Variants in GRM1 observed in about 807,000 individuals in gnomAD.
GRM1 encodes the protein metabotropic glutamate receptor 1.
GRM1 carries 33 observed loss-of-function variants against 90.9 expected under a neutral mutation model. That is an observed-to-expected ratio of 0.36 (90% CI 0.28 to 0.49). GRM1 has a LOEUF of 0.49. GRM1 is among the 20% of genes least tolerant of loss of function. GRM1 has a pLI of 0.99. For missense variants in GRM1, 1,190 were observed against 1,534.3 expected, an observed-to-expected ratio of 0.78 and a Z score of 3.75; for synonymous variants, 700 against 613.2, an observed-to-expected ratio of 1.14 and a Z score of -2.09.
At chr6:146,218,597 T>C (rs1779952906) in intron 2 of GRM1, among the ~76,000 whole-genome samples, 1 of 152,176 alleles carries the variant, frequency 6.6e-6, no homozygotes, top group African/African-American at 2.4e-5. Flanking sequence ...AATTAGTTCC[T>C]TGTTGAATAA....
intron 7 of GRM1, 61 bp from the exon 8 acceptor site, chr6:146,433,811 T>C (rs1193190602): frequency 8.3e-7 from 1 of 1,200,544 alleles, no homozygotes; most frequent in Non-Finnish European, 1.2e-6. Context: ...ATGTTTTCTA[T>C]GTATTTTATC....
chr6:146,077,938 G>T (rs1776242165), intron 1 of GRM1, among the ~76,000 whole-genome samples: 1 of 152,186 alleles, frequency 6.6e-6, no homozygotes, highest in African/African-American at 2.4e-5. Flanking sequence ...GGCAGAACCA[G>T]AGTAGATGTG....
chr6:146,253,548 C>A (rs569521735), intron 2 of GRM1, among the ~76,000 whole-genome samples: 1 of 152,118 alleles, frequency 6.6e-6, no homozygotes, highest in Non-Finnish European at 1.5e-5. Context: ...CTTAAGAGTT[C>A]CAGAACTCTG....
intron 7 of GRM1, among the ~76,000 whole-genome samples, chr6:146,423,947 G>A (rs1778101726): frequency 6.6e-6 from 1 of 152,154 alleles, no homozygotes. Context: ...ATTTAGTGCT[G>A]TGTTCCCTTG....
At chr6:146,036,111 G>A (rs537719081) in intron 1 of GRM1, among the ~76,000 whole-genome samples, 6 of 151,938 alleles carry the variant, frequency 3.9e-5, no homozygotes, top group Non-Finnish European at 8.8e-5. Flanking sequence ...TATGATATAG[G>A]GAGCTAATAT....
chr6:146,287,768 G>T (rs1017580789), intron 2 of GRM1, among the ~76,000 whole-genome samples: 14 of 152,178 alleles, frequency 9.2e-5, no homozygotes, highest in African/African-American at 3.1e-4. Flanking sequence ...TTCTGGTTTT[G>T]AAAAGGGAAA....
intron 2 of GRM1, among the ~76,000 whole-genome samples, chr6:146,270,905 C>CTT (rs1435709085): frequency 8.9e-6 from 1 of 112,760 alleles, no homozygotes; most frequent in Non-Finnish European, 1.8e-5. Flanking sequence ...TTCTTTCTTT[C>CTT]TTTCTTTCTT....
chr6:146,376,073 C>T (rs988429458), intron 5 of GRM1, among the ~76,000 whole-genome samples: 1 of 151,918 alleles, frequency 6.6e-6, no homozygotes, highest in Non-Finnish European at 1.5e-5. Context: ...TACAATGAGG[C>T]TTGCAAATAC....
At chr6:146,076,712 G>A (rs1776199677) in intron 1 of GRM1, among the ~76,000 whole-genome samples, 1 of 152,156 alleles carries the variant, frequency 6.6e-6, no homozygotes, top group East Asian at 1.9e-4. Flanking sequence ...TGGATGGTCA[G>A]TTTTGCATAA....
intron 5 of GRM1, among the ~76,000 whole-genome samples, chr6:146,376,586 T>G (rs1303639871): frequency 6.6e-6 from 1 of 152,098 alleles, no homozygotes; most frequent in African/African-American, 2.4e-5. Context: ...CCTTCAGCAC[T>G]TTAAATATGT....
intron 1 of GRM1, among the ~76,000 whole-genome samples, chr6:146,141,427 T>C (rs1430897959): frequency 6.6e-6 from 1 of 152,152 alleles, no homozygotes; most frequent in Non-Finnish European, 1.5e-5. Flanking sequence ...TTAATATCTT[T>C]CTCTTGGTTT....
rs1207784526 is a variant in GRM1 at position 146,368,271 on chromosome 6, G to GT, written c.1602+10578dup. On this transcript the variant is annotated intron_variant, in intron 5 of 7. Coordinates refer to ENST00000282753, the MANE Select transcript of GRM1 (RefSeq NM_001278064.2). The stretch of plus-strand genomic sequence containing the variant: ...CTACAGTTTTTTTTTGGGGGGGGGG[G>GT]TAGAATCTTTAGATTTTTCTAAATA... Among the ~76,000 whole-genome samples the GT allele has an allele frequency of 7.0e-5, 8 of 114,502 alleles. No individual in the cohort carries two copies. The Middle Eastern group carries it at 0.019, about 270-fold the overall frequency. The allele number at this position is 114,502 out of a possible 152,430, so 75.1% of individuals were successfully genotyped here. A position where few individuals can be genotyped will look rare whatever the true frequency, so the allele number is the denominator to read the frequency against.
chr6:146,173,416 AAAAAAG>A lies in GRM1; in HGVS notation c.950+13835_950+13840del, dbSNP rs1242239910. Reference sequence around the variant, plus strand: ...AAAAAAAAAGAAAAGAAAAGAAAAAAAAAAAGAAAAAGAAAAAGAAAGAAAGAAAGA... The same window carrying A: ...AAAAAAAAAGAAAAGAAAAGAAAAAAAAAAAGAAAAAGAAAGAAAGAAAGA... On this transcript the variant is annotated intron_variant, in intron 2 of 7. Transcript: ENST00000282753. Among the ~76,000 whole-genome samples the A allele has an allele frequency of 4.6e-5, 7 of 151,386 alleles. No homozygotes were observed. The South Asian group carries it at 6.2e-4, about 13-fold the overall frequency.
At chr6:146,037,868 A>G (rs1790948279) in intron 1 of GRM1, among the ~76,000 whole-genome samples, 1 of 151,958 alleles carries the variant, frequency 6.6e-6, no homozygotes, top group Non-Finnish European at 1.5e-5. Context: ...CTTTTCTTCA[A>G]CTTCTTTTGC....
chr6:146,085,546 C>T (rs1225556912), intron 1 of GRM1, among the ~76,000 whole-genome samples: 1 of 152,074 alleles, frequency 6.6e-6, no homozygotes, highest in Non-Finnish European at 1.5e-5. Context: ...TGACTAGACC[C>T]TTTGTTAAAT....
intron 3 of GRM1, among the ~76,000 whole-genome samples, chr6:146,328,915 G>A (rs551894514): frequency 2.6e-5 from 4 of 152,300 alleles, no homozygotes; most frequent in Middle Eastern, 3.4e-3. Flanking sequence ...CTGTGGGCAT[G>A]TTATCCTTCA....
chr6:146,257,366 G>C (rs1205160090), intron 2 of GRM1, among the ~76,000 whole-genome samples: 1 of 152,060 alleles, frequency 6.6e-6, no homozygotes, highest in Non-Finnish European at 1.5e-5. Flanking sequence ...TAGTTAATGA[G>C]TGCTCATTAA....
chr6:146,305,102 A>G (rs1045825660), intron 3 of GRM1, among the ~76,000 whole-genome samples: 2 of 151,046 alleles, frequency 1.3e-5, no homozygotes, highest in African/African-American at 4.9e-5. Context: ...CAAACTGAGG[A>G]GTCAGGTATC....
chr6:146,278,518 G>A (rs573274809), intron 2 of GRM1, among the ~76,000 whole-genome samples: 3 of 152,286 alleles, frequency 2.0e-5, no homozygotes, highest in African/African-American at 7.2e-5. Context: ...GCTCACTCCT[G>A]TAAACCCAGC....
Sources: allele counts gnomAD v4.1 joint callset (sites outside exome capture counted in the v4.1 genomes callset), GRCh38; gene constraint gnomAD v4.1.1; transcripts MANE v1.5; gene names NCBI Gene and HGNC (gene_info 2026-07-23, HGNC 2026-07-21).